POMT2: variants seen among roughly 807,000 people sequenced by gnomAD.
The protein encoded by POMT2 is protein O-mannosyltransferase 2, also known as protein O-mannosyl-transferase 2.
POMT2 carries 75 observed loss-of-function variants against 100.0 expected under a neutral mutation model. That is an observed-to-expected ratio of 0.75 (90% CI 0.62 to 0.91). POMT2 has a LOEUF of 0.91. Among genes scored for constraint, POMT2 ranks in the 40% least tolerant of loss-of-function variants. The pLI, the probability that POMT2 is intolerant of heterozygous loss-of-function variation, is 0.00. For synonymous variants in POMT2, 378 were observed against 374.1 expected (o/e 1.01, Z -0.12); for missense variants, 940 against 955.1 (o/e 0.98, Z 0.21).
At chr14:77,287,070 G>C (rs1890451195) in intron 11 of POMT2, 1 of 647,734 alleles carries the variant, frequency 1.5e-6, no homozygotes, top group African/African-American at 1.9e-5. Flanking sequence ...CAAGAAAGGG[G>C]CTAACTTTAG....
At position 77,278,731 on chromosome 14, in the gene POMT2, G is replaced by T. The variant is rs2140161863; in HGVS notation, c.2030C>A (p.Thr677Lys). ...AAGTCCAGGTGGGTGGCACTGACCTGTCAACATGCTTGAGAAGAGCATGGC... is the reference window on the plus strand; with the variant it reads ...AAGTCCAGGTGGGTGGCACTGACCTTTCAACATGCTTGAGAAGAGCATGGC... ...FPAMLFSSML[T>K]GILWDTLLRL... The change falls in exon 19 of 21, where the codon ACA becomes AAA. Residue 677 changes from threonine (T) to lysine (K), a missense_variant and splice_region_variant. Physicochemically the swap from Thr to Lys is moderately conservative, Grantham distance 78. Transcript: ENST00000261534. 1.9e-6 allele frequency: 3 copies of T among 1,613,918 alleles called. No homozygotes were observed. The highest frequency in any genetic ancestry group is 2.5e-6 in the Non-Finnish European group (3 of 1,179,928).
chr14:77,316,272 C>T (rs1226976848), intron 1 of POMT2, among the ~76,000 whole-genome samples: 1 of 152,156 alleles, frequency 6.6e-6, no homozygotes, highest in African/African-American at 2.4e-5. Context: ...GTTTAACAAG[C>T]CTCACTGATC....
chr14:77,279,665 G>A (rs1385907666), intron 18 of POMT2, 158 bp downstream of exon 18: 7 of 752,156 alleles, frequency 9.3e-6, no homozygotes, highest in South Asian at 1.5e-5. Context: ...CACAGCACTG[G>A]GTACTTGGGG....
chr14:77,313,803 G>A (rs1247333175), intron 1 of POMT2, among the ~76,000 whole-genome samples: 1 of 152,126 alleles, frequency 6.6e-6, no homozygotes, highest in Non-Finnish European at 1.5e-5. Flanking sequence ...CACCTCCCGG[G>A]TTCAAGCGAT....
chr14:77,285,883 C>T (rs1407371239), intron 12 of POMT2, among the ~76,000 whole-genome samples: 1 of 152,088 alleles, frequency 6.6e-6, no homozygotes, highest in Non-Finnish European at 1.5e-5. Flanking sequence ...TCCAGGAGTC[C>T]AACTCTTCAC....
At chr14:77,295,524 C>T (rs993775094) in intron 9 of POMT2, among the ~76,000 whole-genome samples, 5 of 150,194 alleles carry the variant, frequency 3.3e-5, no homozygotes, top group South Asian at 2.1e-4. Flanking sequence ...CCCAGCTACT[C>T]GGGAGGCTGA....
At chr14:77,318,735 A>ATTTTT (rs10643583) in intron 1 of POMT2, among the ~76,000 whole-genome samples, 3 of 140,176 alleles carry the variant, frequency 2.1e-5, no homozygotes, top group African/African-American at 5.3e-5. Context: ...ATGGTAGTTA[A>ATTTTT]TTTTTTTTTT....
At chr14:77,285,659 C>A (rs772403340) in intron 12 of POMT2, 27 bp from the exon 13 acceptor site, 2 of 1,602,424 alleles carry the variant, frequency 1.2e-6, no homozygotes, top group African/African-American at 1.3e-5. Context: ...GAAAAAAATA[C>A]AAAGAAAGTG....
At chr14:77,300,982 G>A in intron 6 of POMT2, 108 bp downstream of exon 6, 1 of 1,607,566 alleles carries the variant, frequency 6.2e-7, no homozygotes, top group South Asian at 1.1e-5. Flanking sequence ...CTGGGACCCA[G>A]AACACAGCCA....
At position 77,302,955 on chromosome 14, in the gene POMT2, G is replaced by A. The variant is rs773717014; in HGVS notation, c.548-12C>T. On this transcript the variant is annotated splice_polypyrimidine_tract_variant and intron_variant, in intron 4 of 20. Transcript: ENST00000261534. ...GAGGCATCCCGTGTCTGAAAAACAT[G>A]AGCTCGCTGGTGAAAAAGCGAGGTA... 5.6e-6 allele frequency: 9 copies of A among 1,597,546 alleles called. No individual in the cohort carries two copies. Among genetic ancestry groups the A allele is most frequent in the South Asian group, 1.1e-5 (1 of 89,920 alleles).
At position 77,278,805 on chromosome 14, in the gene POMT2, G is replaced by A; in HGVS notation, c.1956C>T (p.Phe652=). ...GGACCCGGCCCATCAGGAAAAACGG[G>A]AAGTAATGGAGTGTCCAGCCGAGCA... ...QVLLGWTLHY[F]PFFLMGRVLY... is the part of the protein sequence containing the mutation. Residue 652 remains phenylalanine, a synonymous_variant, in exon 19 of 21, where the codon TTC becomes TTT. Coordinates refer to ENST00000261534, the MANE Select transcript of POMT2 (RefSeq NM_013382.7). 6.2e-7 allele frequency: 1 copy of A among 1,613,744 alleles called. No homozygotes were observed. The highest frequency in any genetic ancestry group is 8.5e-7 in the Non-Finnish European group (1 of 1,179,810).
At chr14:77,316,196 G>A (rs1156730699) in intron 1 of POMT2, among the ~76,000 whole-genome samples, 1 of 152,160 alleles carries the variant, frequency 6.6e-6, no homozygotes, top group South Asian at 2.1e-4. Flanking sequence ...AAGGCCTCAG[G>A]ACTCCCTGGC....
chr14:77,277,107 G>A lies in POMT2; in HGVS notation c.*269C>T. The A allele has an allele frequency of 1.9e-6, 1 of 515,224 alleles. No individual in the cohort carries two copies. The highest frequency in any genetic ancestry group is 1.9e-5 in the African/African-American group (1 of 52,282). 31.9% of individuals were successfully genotyped at this position (515,224 alleles called of 1,614,324 possible). On this transcript the variant is annotated 3_prime_UTR_variant, in exon 21 of 21. Coordinates refer to ENST00000261534, the MANE Select transcript of POMT2 (RefSeq NM_013382.7). ...ACACGCGCACCCACTCCCACCCTCT[G>A]GCACCCATCCTCCCCTGCGCTGTGC...
chr14:77,299,775 C>T, intron 6 of POMT2: 2 of 509,294 alleles, frequency 3.9e-6, no homozygotes, highest in Non-Finnish European at 7.3e-6. Context: ...CCTCTGCTAC[C>T]TCTCCAGGCT....
At chr14:77,294,507 A>G (rs1263509096) in intron 9 of POMT2, among the ~76,000 whole-genome samples, 4 of 152,178 alleles carry the variant, frequency 2.6e-5, no homozygotes, top group African/African-American at 9.6e-5. Flanking sequence ...TATTTTTAGT[A>G]GAGATGGGGT....
chr14:77,279,074 G>A (rs763731973), intron 18 of POMT2: 20 of 691,138 alleles, frequency 2.9e-5, no homozygotes, highest in Non-Finnish European at 3.8e-5. Flanking sequence ...TGAGGCCTGG[G>A]CACCAATGGC....
intron 5 of POMT2, among the ~76,000 whole-genome samples, chr14:77,301,811 G>A (rs946698628): frequency 6.6e-6 from 1 of 152,086 alleles, no homozygotes; most frequent in African/African-American, 2.4e-5. Flanking sequence ...CAGGCAGTGG[G>A]GCACAGTTTT....
At chr14:77,279,177 A>G in intron 18 of POMT2, 1 of 460,244 alleles carries the variant, frequency 2.2e-6, no homozygotes, top group East Asian at 4.5e-5. Context: ...CACCTCCCAC[A>G]TCTTTGCTGC....
At chr14:77,277,560 T>C in intron 20 of POMT2, 79 bp from the exon 21 acceptor site, 1 of 1,167,326 alleles carries the variant, frequency 8.6e-7, no homozygotes, top group Non-Finnish European at 1.3e-6. Flanking sequence ...TTCCTCCTGC[T>C]GGAGCTCCAG....
Sources: gnomAD v4.1 joint callset for allele counts (sites outside exome capture counted in the v4.1 genomes callset) on GRCh38, gnomAD v4.1.1 for gene constraint, MANE v1.5 for transcripts, NCBI Gene and HGNC (gene_info 2026-07-23, HGNC 2026-07-21) for gene names.